Variants in HUNK observed in about 807,000 individuals in gnomAD.
The protein encoded by HUNK is hormonally up-regulated Neu-associated kinase, also known as hormonally up-regulated neu tumor-associated kinase.
A neutral mutation model predicts 61.0 loss-of-function variants in HUNK; 21 were observed. That is an observed-to-expected ratio of 0.34 (90% CI 0.24 to 0.50). The LOEUF is 0.50. Ranked by LOEUF, HUNK falls within the 20% of genes least tolerant of loss-of-function variation. HUNK has a pLI of 0.98. For synonymous variants in HUNK, 371 were observed against 386.1 expected (o/e 0.96, Z 0.46); for missense variants, 772 against 945.7 (o/e 0.82, Z 2.41).
At chr21:31,892,157 AAAAAAAT>A (rs1284958301) in intron 1 of HUNK, among the ~76,000 whole-genome samples, 4 of 112,032 alleles carry the variant, frequency 3.6e-5, no homozygotes, top group African/African-American at 1.4e-4. Context: ...TTAAAAAAAA[AAAAAAAT>A]ATATATATAT....
intron 6 of HUNK, among the ~76,000 whole-genome samples, chr21:31,972,163 G>A (rs2053016171): frequency 6.6e-6 from 1 of 152,114 alleles, no homozygotes; most frequent in South Asian, 2.1e-4. Context: ...CAGGGGCCTG[G>A]ACAGTCTCTC....
At chr21:31,995,447 T>C (rs2053197955) in intron 9 of HUNK, among the ~76,000 whole-genome samples, 1 of 152,242 alleles carries the variant, frequency 6.6e-6, no homozygotes, top group Admixed American at 6.5e-5. Context: ...GAAGTCCTGC[T>C]CTGCTTCACC....
At chr21:31,942,039 GTC>G (rs2052772152) in intron 3 of HUNK, among the ~76,000 whole-genome samples, 1 of 152,168 alleles carries the variant, frequency 6.6e-6, no homozygotes, top group Non-Finnish European at 1.5e-5. Flanking sequence ...TGAAACCCCC[GTC>G]TCTATTAAAA....
chr21:31,890,654 A>G (rs892866564), intron 1 of HUNK, among the ~76,000 whole-genome samples: 11 of 152,214 alleles, frequency 7.2e-5, no homozygotes, highest in African/African-American at 2.7e-4. Context: ...TTTTCCCTGG[A>G]TACATGATAC....
chr21:31,948,665 G>A (rs540998331), intron 4 of HUNK, among the ~76,000 whole-genome samples: 1 of 152,258 alleles, frequency 6.6e-6, no homozygotes, highest in South Asian at 2.1e-4. Flanking sequence ...ACGGAGGGAG[G>A]GAGGAAGGAA....
chr21:32,000,316 G>T lies in HUNK; in HGVS notation c.*1132G>T. 1 of 399,124 alleles carries T rather than the reference G, an allele frequency of 2.5e-6. No individual in the cohort carries two copies. The highest frequency in any genetic ancestry group is 3.6e-5 in the East Asian group (1 of 28,082). 24.7% of individuals were successfully genotyped at this position (399,124 alleles called of 1,614,324 possible). A position where few individuals can be genotyped will look rare whatever the true frequency, so the allele number is the denominator to read the frequency against. On this transcript the variant is annotated 3_prime_UTR_variant, in exon 11 of 11. Coordinates refer to ENST00000270112, the MANE Select transcript of HUNK (RefSeq NM_014586.2). The stretch of plus-strand genomic sequence containing the variant: ...TGGCAGAGAACCTGTTCAGATACAG[G>T]CCAGTTTCTTCTTCGAGGAAAGCCA...
chr21:31,986,215 C>T (rs1057233573), intron 8 of HUNK, among the ~76,000 whole-genome samples: 4 of 151,988 alleles, frequency 2.6e-5, no homozygotes, highest in Admixed American at 6.6e-5. Flanking sequence ...CCGCCCTCCG[C>T]CCTCCACCAC....
intron 2 of HUNK, among the ~76,000 whole-genome samples, chr21:31,934,497 C>T (rs2052719495): frequency 6.6e-6 from 1 of 151,224 alleles, no homozygotes; most frequent in Admixed American, 6.6e-5. Context: ...AAGAAATTCA[C>T]CCCTTTTAAA....
At chr21:31,977,211 G>A (rs1172030388) in intron 7 of HUNK, among the ~76,000 whole-genome samples, 1 of 152,084 alleles carries the variant, frequency 6.6e-6, no homozygotes, top group Non-Finnish European at 1.5e-5. Flanking sequence ...TGCATATGTT[G>A]CAGGTGCCTG....
chr21:31,997,899 A>G (rs968313539), intron 10 of HUNK, among the ~76,000 whole-genome samples: 5 of 151,888 alleles, frequency 3.3e-5, no homozygotes, highest in African/African-American at 7.3e-5. Flanking sequence ...ATCCTTTGGC[A>G]AGGTCCAGAA....
At chr21:31,969,618 G>C (rs566558930) in intron 6 of HUNK, among the ~76,000 whole-genome samples, 3 of 151,136 alleles carry the variant, frequency 2.0e-5, no homozygotes, top group Non-Finnish European at 4.4e-5. Flanking sequence ...CCAGGCTAGA[G>C]TGTAGTGGCA....
At chr21:31,904,911 C>A (rs185509239) in intron 1 of HUNK, among the ~76,000 whole-genome samples, 26 of 151,976 alleles carry the variant, frequency 1.7e-4, no homozygotes, top group Admixed American at 1.0e-3. Context: ...GGCCTCAAAC[C>A]CTGTCTGTAC....
Position 31,995,759 on chromosome 21 carries a change from G to A in HUNK, c.1306-9G>A. The A allele has an allele frequency of 6.2e-7, 1 of 1,611,552 alleles. No homozygotes were observed. The highest frequency in any genetic ancestry group is 8.5e-7 in the Non-Finnish European group (1 of 1,178,276). The stretch of plus-strand genomic sequence containing the variant: ...TGTCTAAGTGCATATGTTTGCTTCT[G>A]ATTTGTAGGATAAAAAGCCCAAAGA... On this transcript the variant is annotated splice_polypyrimidine_tract_variant and intron_variant, in intron 9 of 10. Transcript: ENST00000270112.
chr21:31,910,985 A>G (rs1568923038), intron 1 of HUNK, among the ~76,000 whole-genome samples: 3 of 152,084 alleles, frequency 2.0e-5, no homozygotes, highest in African/African-American at 7.2e-5. Flanking sequence ...TTTGTGAATT[A>G]TTTTCCCCAA....
chr21:31,970,817 T>C (rs2053004830), intron 6 of HUNK, among the ~76,000 whole-genome samples: 1 of 152,152 alleles, frequency 6.6e-6, no homozygotes, highest in Admixed American at 6.5e-5. Flanking sequence ...TTAAAACTTA[T>C]AAAACAGGAT....
chr21:31,965,754 A>G (rs1230591753), intron 5 of HUNK, among the ~76,000 whole-genome samples: 1 of 151,874 alleles, frequency 6.6e-6, no homozygotes, highest in Non-Finnish European at 1.5e-5. Flanking sequence ...GGCATGCACC[A>G]CCACACCCGG....
chr21:31,938,046 T>G (rs1376318083), intron 2 of HUNK, among the ~76,000 whole-genome samples: 1 of 152,264 alleles, frequency 6.6e-6, no homozygotes, highest in Non-Finnish European at 1.5e-5. Flanking sequence ...TCTCAGCCAG[T>G]GCCCAGCCTT....
intron 6 of HUNK, among the ~76,000 whole-genome samples, chr21:31,973,626 T>C (rs978550569): frequency 6.6e-6 from 1 of 151,398 alleles, no homozygotes; most frequent in Non-Finnish European, 1.5e-5. Context: ...GTCTGTTTAT[T>C]TGGGAAGCAG....
intron 1 of HUNK, among the ~76,000 whole-genome samples, chr21:31,892,178 T>TAGAGAG (rs1459030196): frequency 2.3e-4 from 24 of 103,994 alleles, no homozygotes; most frequent in Non-Finnish European, 3.4e-4. Flanking sequence ...TATATATATA[T>TAGAGAG]ATAGAGAGAG....
Sources: allele counts gnomAD v4.1 joint callset (sites outside exome capture counted in the v4.1 genomes callset), GRCh38; gene constraint gnomAD v4.1.1; transcripts MANE v1.5; gene names NCBI Gene and HGNC (gene_info 2026-07-23, HGNC 2026-07-21).